TPO: variants seen among roughly 807,000 people sequenced by gnomAD.
The protein encoded by TPO is thyroid peroxidase, also known as thyroid microsomal antigen.
A neutral mutation model predicts 96.9 loss-of-function variants in TPO; 78 were observed. The observed-to-expected ratio is 0.81, with a 90% CI of 0.67 to 0.97. The LOEUF (loss-of-function observed/expected upper bound fraction) is 0.97, where lower values mean the gene tolerates loss of function less well. TPO is among the 50% of genes least tolerant of loss of function. TPO has a pLI of 0.00. For synonymous variants in TPO, 547 were observed against 538.0 expected (o/e 1.02, Z -0.23); for missense variants, 1,252 against 1,274.8 (o/e 0.98, Z 0.27).
intron 3 of TPO, 70 bp downstream of exon 3, chr2:1,423,199 G>A (rs1288425804): frequency 2.0e-6 from 3 of 1,480,828 alleles, no homozygotes; most frequent in Admixed American, 1.8e-5. Flanking sequence ...ATCCACACAC[G>A]TGTGGCCTGA....
In TPO at chr2:1,380,566, A is replaced by G. The variant is rs115014277; in HGVS notation, n.180+6164A>G. Among the ~76,000 whole-genome samples, 597 of 152,284 alleles carry G rather than the reference A, an allele frequency of 3.9e-3. 7 individuals are homozygous for G. The highest frequency in any genetic ancestry group is 0.014 in the African/African-American group (572 of 41,570). On this transcript the variant is annotated intron_variant and non_coding_transcript_variant, in intron 1 of 5. Transcript: ENST00000497517. ...ATATGGAAACTCATGATGAAAAGAA[A>G]ATAGTAAATAAATTGTTCCAGTTTT...
At chr2:1,392,555 A>T (rs1662018825) in intron 1 of TPO, among the ~76,000 whole-genome samples, 1 of 152,074 alleles carries the variant, frequency 6.6e-6, no homozygotes, top group South Asian at 2.1e-4. Context: ...TTTTCTATTG[A>T]TTGGAATAGT....
chr2:1,407,453 T>A (rs1662264556), intron 1 of TPO, among the ~76,000 whole-genome samples: 2 of 152,232 alleles, frequency 1.3e-5, no homozygotes, highest in Non-Finnish European at 2.9e-5. Flanking sequence ...CAAGCAGATG[T>A]GTCCTTTGTG....
intron 15 of TPO, among the ~76,000 whole-genome samples, chr2:1,531,944 CCCCCACTGCGAGCAACCTCCTCAAATCT>C (rs2125248382): frequency 1.8e-5 from 2 of 113,618 alleles, no homozygotes; most frequent in African/African-American, 3.2e-5. Flanking sequence ...TCCTCAAATC[CCCCCACTGCGAGCAACCTCCTCAAATCT>C]CCCCACTGTG....
At chr2:1,397,229 T>G (rs1662095490) in intron 1 of TPO, among the ~76,000 whole-genome samples, 1 of 152,190 alleles carries the variant, frequency 6.6e-6, no homozygotes, top group African/African-American at 2.4e-5. Flanking sequence ...TTTGCCACAG[T>G]ATCTTGTCTC....
rs188572490 is a variant in TPO, at chr2:1,405,066, A to G, written n.180+30664A>G. 1.4e-4 allele frequency among the ~76,000 whole-genome samples: 4 copies of G among 27,822 alleles called. No homozygotes were observed. In the East Asian group the frequency reaches 2.3e-3, roughly 16 times the overall value. 18.3% of individuals were successfully genotyped at this position (27,822 alleles called of 152,430 possible). The stretch of plus-strand genomic sequence containing the variant: ...ATGCATCCCACCCACCCACCCGCAT[A>G]GACATCGAGTCATCCATCGGCCCAT... On this transcript the variant is annotated intron_variant and non_coding_transcript_variant, in intron 1 of 5. Transcript: ENST00000497517.
chr2:1,480,841 T>TCCACACCA (rs1670563065), intron 8 of TPO, among the ~76,000 whole-genome samples: 1 of 136,532 alleles, frequency 7.3e-6, no homozygotes, highest in Non-Finnish European at 1.7e-5. Context: ...GCTGCGTCTG[T>TCCACACCA]CCTCACCATA....
intron 5 of TPO, among the ~76,000 whole-genome samples, chr2:1,450,766 A>G (rs1314690788): frequency 6.6e-6 from 1 of 152,214 alleles, no homozygotes; most frequent in Non-Finnish European, 1.5e-5. Flanking sequence ...ATCACTGCTT[A>G]AGCAGTTAAA....
At chr2:1,378,345 C>T (rs556743199) in intron 1 of TPO, among the ~76,000 whole-genome samples, 2 of 152,342 alleles carry the variant, frequency 1.3e-5, no homozygotes, top group Non-Finnish European at 2.9e-5. Flanking sequence ...AGCCCAGCCT[C>T]ACGGGAGTGC....
At chr2:1,456,387 T>C in intron 7 of TPO, 105 bp downstream of exon 7, 1 of 1,253,078 alleles carries the variant, frequency 8.0e-7, no homozygotes, top group Non-Finnish European at 1.1e-6. Flanking sequence ...TTCTTTGTCC[T>C]ATTCCCAGGG....
chr2:1,397,877 C>T (rs903004418), intron 1 of TPO, among the ~76,000 whole-genome samples: 1 of 152,186 alleles, frequency 6.6e-6, no homozygotes, highest in African/African-American at 2.4e-5. Flanking sequence ...CAAACCCAGA[C>T]ACATGTCAGA....
chr2:1,411,071 T>C (rs1662325497), upstream of TPO, among the ~76,000 whole-genome samples: 2 of 152,030 alleles, frequency 1.3e-5, no homozygotes, highest in Non-Finnish European at 2.9e-5. Flanking sequence ...CCTTCCCAAG[T>C]CCCCCGTCTT....
intron 15 of TPO, among the ~76,000 whole-genome samples, chr2:1,534,980 C>T (rs57324411): frequency 6.8e-6 from 1 of 147,448 alleles, no homozygotes; most frequent in Admixed American, 6.7e-5. Context: ...CTCAAATCCC[C>T]CCAGTGTGTG....
In TPO at chr2:1,407,583, T is replaced by C. The variant is rs1828864; in HGVS notation, n.180+33181T>C. On this transcript the variant is annotated intron_variant and non_coding_transcript_variant, in intron 1 of 5. Coordinates refer to the TPO transcript ENST00000497517. ...TCTTGTCTCTTAGCAGGTTGTTAGGTGATGCAGGCATTTCAGGAAAGTCAC... is the reference window on the plus strand; with the variant it reads ...TCTTGTCTCTTAGCAGGTTGTTAGGCGATGCAGGCATTTCAGGAAAGTCAC... Among the ~76,000 whole-genome samples the C allele has an allele frequency of 7.5e-3, 1,144 of 152,306 alleles. 13 individuals carry two copies. The highest frequency in any genetic ancestry group is 0.025 in the African/African-American group (1,048 of 41,558).
intron 1 of TPO, among the ~76,000 whole-genome samples, chr2:1,392,233 A>C (rs945821501): frequency 6.6e-6 from 1 of 152,200 alleles, no homozygotes; most frequent in Non-Finnish European, 1.5e-5. Context: ...AATTTCATCA[A>C]AGGCCTTTTC....
intron 4 of TPO, among the ~76,000 whole-genome samples, chr2:1,434,530 T>G (rs1665356992): frequency 6.6e-6 from 1 of 152,202 alleles, no homozygotes; most frequent in Admixed American, 6.5e-5. Flanking sequence ...CTAAGAACTC[T>G]CGGTCCACTG....
chr2:1,478,270 T>A (rs1039036981), intron 8 of TPO: 2 of 985,458 alleles, frequency 2.0e-6, no homozygotes, highest in Middle Eastern at 5.2e-4. Context: ...ATGCGGTCCC[T>A]GACTCTAGGG....
At chr2:1,451,773 G>A (rs1040647846) in intron 5 of TPO, among the ~76,000 whole-genome samples, 1 of 151,854 alleles carries the variant, frequency 6.6e-6, no homozygotes, top group Non-Finnish European at 1.5e-5. Flanking sequence ...TTAACAAAAG[G>A]AACCTACTTT....
chr2:1,452,066 A>T (rs1667353703), intron 5 of TPO, among the ~76,000 whole-genome samples: 1 of 152,154 alleles, frequency 6.6e-6, no homozygotes, highest in African/African-American at 2.4e-5. Flanking sequence ...ATATTTGAAT[A>T]TGTATTTTAT....
Sources: allele counts gnomAD v4.1 joint callset (sites outside exome capture counted in the v4.1 genomes callset), GRCh38; gene constraint gnomAD v4.1.1; transcripts MANE v1.5; gene names NCBI Gene and HGNC (gene_info 2026-07-23, HGNC 2026-07-21).